Variants in L3MBTL4 observed in about 807,000 individuals in gnomAD.
The protein encoded by L3MBTL4 is lethal(3)malignant brain tumor-like protein 4.
In L3MBTL4, 70 loss-of-function variants were observed where a neutral mutation model predicts 84.5. The ratio of observed to expected loss-of-function variants is 0.83; its 90% CI spans 0.68 to 1.01. The LOEUF (loss-of-function observed/expected upper bound fraction) is 1.01, where lower values mean the gene tolerates loss of function less well. Ranked by LOEUF, L3MBTL4 falls within the 50% of genes least tolerant of loss-of-function variation. The pLI is 0.00. For missense variants in L3MBTL4, 715 were observed against 754.8 expected (o/e 0.95, Z 0.62); for synonymous variants, 274 against 259.8 (o/e 1.05, Z -0.52).
intron 4 of L3MBTL4, among the ~76,000 whole-genome samples, chr18:6,294,617 C>T (rs1255864997): frequency 6.6e-6 from 1 of 152,174 alleles, no homozygotes; most frequent in East Asian, 1.9e-4. Flanking sequence ...CCAGGCCCTC[C>T]CTACGTAAGT....
intron 14 of L3MBTL4, among the ~76,000 whole-genome samples, chr18:6,132,408 C>G (rs1429468827): frequency 6.6e-6 from 1 of 152,068 alleles, no homozygotes; most frequent in East Asian, 1.9e-4. Flanking sequence ...CTTGAGTTCG[C>G]TCTCTAATAA....
intron 13 of L3MBTL4, among the ~76,000 whole-genome samples, chr18:6,153,888 G>A (rs1336352351): frequency 1.3e-5 from 2 of 152,150 alleles, no homozygotes; most frequent in Non-Finnish European, 2.9e-5. Flanking sequence ...GCAGAACTGT[G>A]AGTCAATTAA....
intron 14 of L3MBTL4, among the ~76,000 whole-genome samples, chr18:6,110,304 T>A (rs998390880): frequency 6.6e-6 from 1 of 152,164 alleles, no homozygotes; most frequent in Admixed American, 6.5e-5. Flanking sequence ...CACATACACA[T>A]ACCTGGTCTG....
At chr18:6,115,940 C>T (rs945909598) in intron 14 of L3MBTL4, among the ~76,000 whole-genome samples, 2 of 152,126 alleles carry the variant, frequency 1.3e-5, no homozygotes, top group Non-Finnish European at 2.9e-5. Flanking sequence ...CATGCACAGC[C>T]AGTGTGAGGA....
At chr18:6,219,038 G>A (rs1426795796) in intron 10 of L3MBTL4, among the ~76,000 whole-genome samples, 2 of 152,148 alleles carry the variant, frequency 1.3e-5, no homozygotes, top group Non-Finnish European at 2.9e-5. Context: ...TCCATTTATA[G>A]GTAAGCACTG....
chr18:6,142,700 C>T (rs533994646), intron 13 of L3MBTL4, among the ~76,000 whole-genome samples: 2 of 152,158 alleles, frequency 1.3e-5, no homozygotes, highest in South Asian at 2.1e-4. Context: ...GTGGGAGGAT[C>T]GCTTGAGGTC....
rs1567912068 is a variant in L3MBTL4 at position 5,958,139 on chromosome 18, GAAGAAGAAGAAGAAGAAGAAC to G, written c.1678-1773_1678-1753del. 2.4e-3 allele frequency among the ~76,000 whole-genome samples: 144 copies of G among 60,350 alleles called. 2 individuals are homozygous for G. Among genetic ancestry groups the G allele is most frequent in the East Asian group, 0.012 (24 of 2,044 alleles). The allele number at this position is 60,350 out of a possible 152,430, so 39.6% of individuals were successfully genotyped here. A position where few individuals can be genotyped will look rare whatever the true frequency, so the allele number is the denominator to read the frequency against. ...AGAAGAAGAAGAAGAAAAAGAAGAAGAAGAAGAAGAAGAAGAAGAACAAGAAGAAGAAGAAGACGACGAAGA... is the reference window on the plus strand; with the variant it reads ...AGAAGAAGAAGAAGAAAAAGAAGAAGAAGAAGAAGAAGAAGACGACGAAGA... On this transcript the variant is annotated intron_variant, in intron 18 of 18. Coordinates refer to ENST00000317931, the MANE Select transcript of L3MBTL4 (RefSeq NM_001330559.2).
chr18:6,112,927 C>A (rs2059238390), intron 14 of L3MBTL4, among the ~76,000 whole-genome samples: 1 of 152,048 alleles, frequency 6.6e-6, no homozygotes, highest in South Asian at 2.1e-4. Context: ...TAGAATTAAT[C>A]AAATTATATA....
rs117631842 is a variant in L3MBTL4 at position 6,052,092 on chromosome 18, T to A, written c.1444+28789A>T. On this transcript the variant is annotated intron_variant, in intron 16 of 18. Coordinates refer to ENST00000317931, the MANE Select transcript of L3MBTL4 (RefSeq NM_001330559.2). ...ACATTTCTACTTTAGAAATGGGTTT[T>A]TTGAAAAGCAACTGGAGGCAGCTCC... 3.9e-5 allele frequency among the ~76,000 whole-genome samples: 6 copies of A among 152,360 alleles called. No individual in the cohort carries two copies. In the East Asian group the frequency reaches 1.2e-3, roughly 29 times the overall value.
At chr18:5,996,026 T>C (rs994752991) in intron 16 of L3MBTL4, among the ~76,000 whole-genome samples, 12 of 152,244 alleles carry the variant, frequency 7.9e-5, no homozygotes, top group Admixed American at 6.5e-4. Context: ...TTACTGCAAA[T>C]ATTTTGCTTT....
chr18:6,189,975 T>A (rs2044991643), intron 12 of L3MBTL4, among the ~76,000 whole-genome samples: 1 of 152,184 alleles, frequency 6.6e-6, no homozygotes, highest in Admixed American at 6.5e-5. Flanking sequence ...GAAGAGATGA[T>A]GGCTGAGAAT....
intron 16 of L3MBTL4, among the ~76,000 whole-genome samples, chr18:6,005,095 G>C (rs1021626799): frequency 7.7e-6 from 1 of 130,578 alleles, no homozygotes; most frequent in African/African-American, 2.8e-5. Flanking sequence ...CGTAATCCTA[G>C]CACTTTGGAA....
intron 4 of L3MBTL4, among the ~76,000 whole-genome samples, chr18:6,298,725 T>G (rs138120370): frequency 2.0e-4 from 30 of 152,038 alleles, no homozygotes; most frequent in African/African-American, 7.0e-4. Flanking sequence ...ATACAAAAAA[T>G]TAGCCAGGCG....
In L3MBTL4 at chr18:5,998,185, C is replaced by T. The variant is rs893406389; in HGVS notation, c.1445-28623G>A. ...CATCCATTAGGTGGCCAGGTATGGCCGATGCTGCATCCTAAATACTTGCTA... is the reference window on the plus strand; with the variant it reads ...CATCCATTAGGTGGCCAGGTATGGCTGATGCTGCATCCTAAATACTTGCTA... On this transcript the variant is annotated intron_variant, in intron 16 of 18. Coordinates refer to ENST00000317931, the MANE Select transcript of L3MBTL4 (RefSeq NM_001330559.2). 4.6e-5 allele frequency among the ~76,000 whole-genome samples: 7 copies of T among 152,200 alleles called. No individual in the cohort carries two copies. The East Asian group carries it at 7.7e-4, about 17-fold the overall frequency.
At chr18:6,264,137 A>G (rs1005171759) in intron 4 of L3MBTL4, 99 bp from the exon 5 acceptor site, 2 of 861,672 alleles carry the variant, frequency 2.3e-6, no homozygotes, top group Admixed American at 4.5e-5. Flanking sequence ...CTAATTAGTT[A>G]AATTGGTAGT....
At chr18:6,176,766 C>T (rs2044242340) in intron 12 of L3MBTL4, among the ~76,000 whole-genome samples, 2 of 151,836 alleles carry the variant, frequency 1.3e-5, no homozygotes, top group African/African-American at 4.8e-5. Context: ...TGAAGTGAGC[C>T]ACAGGCATTT....
At chr18:6,242,159 C>T (rs1480293757) in intron 7 of L3MBTL4, among the ~76,000 whole-genome samples, 1 of 152,150 alleles carries the variant, frequency 6.6e-6, no homozygotes, top group Non-Finnish European at 1.5e-5. Flanking sequence ...GGAACACCAC[C>T]CTCTTCGTCC....
Position 6,109,107 on chromosome 18 carries a change from A to C in L3MBTL4, c.1200-15579T>G, listed in dbSNP as rs2059107723. Among the ~76,000 whole-genome samples, 3 of 152,086 alleles carry C rather than the reference A, an allele frequency of 2.0e-5. No individual in the cohort carries two copies. The South Asian group carries it at 6.2e-4, about 32-fold the overall frequency. On this transcript the variant is annotated intron_variant, in intron 14 of 18. Transcript: ENST00000317931. ...GTTTAAGGTAGGGATGGTCTGGAGG[A>C]AGAAAACTAGTGAAGGTACATCAGG...
intron 5 of L3MBTL4, among the ~76,000 whole-genome samples, chr18:6,255,779 C>CAAAAAAAA (rs80253863): frequency 1.5e-5 from 1 of 66,170 alleles, no homozygotes. Context: ...ATATAAAAGG[C>CAAAAAAAA]AAAAAAAAAA....
Sources: allele counts gnomAD v4.1 joint callset (sites outside exome capture counted in the v4.1 genomes callset), GRCh38; gene constraint gnomAD v4.1.1; transcripts MANE v1.5; gene names NCBI Gene and HGNC (gene_info 2026-07-23, HGNC 2026-07-21).